DIP2C: variants seen among roughly 807,000 people sequenced by gnomAD.
DIP2C encodes the protein disco-interacting protein 2 homolog C.
A neutral mutation model predicts 192.4 loss-of-function variants in DIP2C; 33 were observed. The observed-to-expected ratio is 0.17, with a 90% CI of 0.13 to 0.23. The LOEUF (loss-of-function observed/expected upper bound fraction) is 0.23, where lower values mean the gene tolerates loss of function less well. Among genes scored for constraint, DIP2C ranks in the 10% least tolerant of loss-of-function variants. DIP2C has a pLI of 1.00. For synonymous variants in DIP2C, 979 were observed against 864.1 expected, an observed-to-expected ratio of 1.13 and a Z score of -2.33; for missense variants, 1,537 against 2,110.1, an observed-to-expected ratio of 0.73 and a Z score of 5.32.
intron 1 of DIP2C, among the ~76,000 whole-genome samples, chr10:631,827 G>C (rs551665233): frequency 6.6e-6 from 1 of 152,146 alleles, no homozygotes; most frequent in African/African-American, 2.4e-5. Context: ...GAAGTTTGGC[G>C]AAGGCATTTT....
At chr10:555,779 C>G (rs1200153752) in intron 1 of DIP2C, among the ~76,000 whole-genome samples, 1 of 152,116 alleles carries the variant, frequency 6.6e-6, no homozygotes, top group Non-Finnish European at 1.5e-5. Flanking sequence ...AAGCCCACTA[C>G]ACGCAAGGTC....
intron 2 of DIP2C, among the ~76,000 whole-genome samples, chr10:482,948 C>T (rs920055713): frequency 6.6e-6 from 1 of 152,218 alleles, no homozygotes; most frequent in Non-Finnish European, 1.5e-5. Flanking sequence ...TCCAGGCACC[C>T]TCTCTGACCC....
chr10:580,329 TCA>T (rs1850540416), intron 1 of DIP2C, among the ~76,000 whole-genome samples: 1 of 152,188 alleles, frequency 6.6e-6, no homozygotes, highest in Non-Finnish European at 1.5e-5. Flanking sequence ...ACAAGTTTAT[TCA>T]GTGTGCGTAG....
chr10:577,918 T>TAC (rs980639311), intron 1 of DIP2C, among the ~76,000 whole-genome samples: 40 of 152,296 alleles, frequency 2.6e-4, no homozygotes, highest in African/African-American at 9.4e-4. Flanking sequence ...ACCTGGAATT[T>TAC]ACCTTTGAGA....
At chr10:606,319 A>AC (rs1018819065) in intron 1 of DIP2C, among the ~76,000 whole-genome samples, 2 of 152,148 alleles carry the variant, frequency 1.3e-5, no homozygotes, top group African/African-American at 4.8e-5. Context: ...AGCTCAGGGC[A>AC]CGGCCACTCG....
At chr10:458,388 C>T (rs989300867) in intron 3 of DIP2C, among the ~76,000 whole-genome samples, 2 of 152,234 alleles carry the variant, frequency 1.3e-5, no homozygotes, top group Admixed American at 6.5e-5. Flanking sequence ...AATTAAACTT[C>T]GGCATAGAGG....
At chr10:595,519 A>G (rs994553844) in intron 1 of DIP2C, among the ~76,000 whole-genome samples, 4 of 152,228 alleles carry the variant, frequency 2.6e-5, no homozygotes, top group African/African-American at 9.6e-5. Flanking sequence ...ACTGAAGAAC[A>G]AACATCAATA....
intron 1 of DIP2C, among the ~76,000 whole-genome samples, chr10:643,468 C>G (rs984012328): frequency 6.6e-6 from 1 of 151,998 alleles, no homozygotes; most frequent in East Asian, 1.9e-4. Context: ...GAACTGAGAT[C>G]GCACCACTGC....
intron 4 of DIP2C, among the ~76,000 whole-genome samples, chr10:434,044 T>C (rs1328691544): frequency 1.3e-5 from 2 of 152,206 alleles, no homozygotes; most frequent in African/African-American, 4.8e-5. Flanking sequence ...CAAATGACAC[T>C]ATACTGCTTT....
chr10:368,451 G>A (rs1399038768), intron 18 of DIP2C, among the ~76,000 whole-genome samples: 2 of 152,262 alleles, frequency 1.3e-5, no homozygotes, highest in East Asian at 3.8e-4. Flanking sequence ...GGGGCTAGAG[G>A]GCTGCAGGCA....
At chr10:474,894 G>A (rs997105972) in intron 2 of DIP2C, among the ~76,000 whole-genome samples, 1 of 151,818 alleles carries the variant, frequency 6.6e-6, no homozygotes, top group Non-Finnish European at 1.5e-5. Flanking sequence ...ATTCCCACTG[G>A]AGGAGCTGCA....
chr10:325,407 C>G (rs79193825), intron 31 of DIP2C, among the ~76,000 whole-genome samples: 3 of 152,202 alleles, frequency 2.0e-5, no homozygotes, highest in Admixed American at 2.0e-4. Context: ...CTGGAGGGCA[C>G]GATGCGACGG....
chr10:297,241 TAC>T (rs140637166), intron 32 of DIP2C, among the ~76,000 whole-genome samples: 54,220 of 115,284 alleles, frequency 0.47, 13,619 homozygotes, highest in South Asian at 0.62. Context: ...CCCCACCACA[TAC>T]ACACACACAC....
intron 17 of DIP2C, among the ~76,000 whole-genome samples, chr10:373,295 G>T (rs923025560): frequency 1.3e-5 from 2 of 152,142 alleles, no homozygotes; most frequent in African/African-American, 4.8e-5. Context: ...ACAGTCAAAA[G>T]GCAAAGTCCC....
chr10:486,989 G>A (rs1442972776), intron 1 of DIP2C, among the ~76,000 whole-genome samples: 5 of 152,186 alleles, frequency 3.3e-5, no homozygotes, highest in African/African-American at 4.8e-5. Context: ...ACTTGAAGCC[G>A]CCACAGTGTT....
intron 4 of DIP2C, among the ~76,000 whole-genome samples, chr10:429,823 T>C (rs1429847381): frequency 1.3e-5 from 2 of 152,132 alleles, no homozygotes; most frequent in African/African-American, 4.8e-5. Flanking sequence ...TTGGCAATTA[T>C]GAATAAGGCT....
intron 8 of DIP2C, 151 bp downstream of exon 8, chr10:413,762 G>A (rs1002706287): frequency 4.0e-5 from 37 of 924,936 alleles, no homozygotes; most frequent in East Asian, 1.9e-4. Flanking sequence ...TCGTGCGTTC[G>A]GGAGTGGCTG....
intron 1 of DIP2C, among the ~76,000 whole-genome samples, chr10:639,435 G>A (rs1402767575): frequency 2.0e-5 from 3 of 147,518 alleles, no homozygotes; most frequent in Middle Eastern, 3.3e-3. Context: ...ACATGGGGAC[G>A]CGTCAGGTTG....
intron 1 of DIP2C, among the ~76,000 whole-genome samples, chr10:521,537 G>A (rs1846707188): frequency 1.3e-5 from 2 of 152,200 alleles, no homozygotes; most frequent in South Asian, 4.1e-4. Flanking sequence ...GAGACCATGA[G>A]CATCACTGCA....
Sources: allele counts gnomAD v4.1 joint callset (sites outside exome capture counted in the v4.1 genomes callset), GRCh38; gene constraint gnomAD v4.1.1; transcripts MANE v1.5; gene names NCBI Gene and HGNC (gene_info 2026-07-23, HGNC 2026-07-21).